VPS13D: variants seen among roughly 807,000 people sequenced by gnomAD.
VPS13D encodes the protein intermembrane lipid transfer protein VPS13D.
Under a neutral mutation model 461.9 loss-of-function variants are expected in VPS13D, and 187 were observed. That is an observed-to-expected ratio of 0.40 (90% CI 0.36 to 0.46). The LOEUF (loss-of-function observed/expected upper bound fraction) is 0.46. Ranked by LOEUF, VPS13D falls within the 20% of genes least tolerant of loss-of-function variation. The pLI, the probability that VPS13D is intolerant of heterozygous loss-of-function variation, is 0.60. For synonymous variants in VPS13D, 1,951 were observed against 1,986.3 expected (o/e 0.98, Z 0.47); for missense variants, 4,711 against 5,364.9 (o/e 0.88, Z 3.81).
At chr1:12,504,734 G>A (rs1646081710) in intron 68 of VPS13D, among the ~76,000 whole-genome samples, 1 of 152,204 alleles carries the variant, frequency 6.6e-6, no homozygotes, top group African/African-American at 2.4e-5. Flanking sequence ...TCCTCCAGAA[G>A]TGGTTCTGGC....
At chr1:12,350,517 G>A (rs965615777) in intron 46 of VPS13D, among the ~76,000 whole-genome samples, 1 of 152,142 alleles carries the variant, frequency 6.6e-6, no homozygotes, top group Non-Finnish European at 1.5e-5. Context: ...GGGGGATGCA[G>A]CAAAACCAGT....
Position 12,276,946 on chromosome 1 carries a change from G to T in VPS13D, c.3358G>T (p.Val1120Leu), listed in dbSNP as rs778929000. The part of the protein sequence containing the change: ...LDIILNPETI[V>L]ELIGFLQKSF... ...TATTATCCTCAATCCAGAGACGATT[G>T]TGGAGCTAATTGGTTTTCTTCAAAA... is the stretch of plus-strand genomic sequence containing the variant. Residue 1120 changes from valine to leucine, a missense_variant, in exon 19 of 70, where the codon GTG (valine) becomes TTG (leucine). Around this residue, in one of 3 missense-constraint regions of VPS13D, gnomAD observed 4,411 missense variants for 4,937.8 expected, o/e 0.89. Transcript: ENST00000620676. This position sits in a 1 kb window ranked among gnomAD's most constrained non-coding sequence, Gnocchi z 4.5. 6.2e-7 allele frequency: 1 copy of T among 1,614,162 alleles called. No homozygotes were observed. The highest frequency in any genetic ancestry group is 1.1e-5 in the South Asian group (1 of 91,086).
rs777736762 is a variant in VPS13D, at chr1:12,342,928, G to A, written c.8762G>A (p.Gly2921Glu). The A allele has an allele frequency of 1.2e-6, 2 of 1,613,372 alleles. No homozygotes were observed. The highest frequency in any genetic ancestry group is 1.7e-5 in the Admixed American group (1 of 59,994). The change falls in exon 42 of 70, where the codon GGG becomes GAG. Residue 2921 changes from glycine (G) to glutamate (E), a missense_variant. By Grantham distance (98) the Gly-to-Glu change is moderately conservative (BLOSUM62 -2). This residue lies in a region of VPS13D where 4,411 missense variants were observed against 4,937.8 expected (regional missense o/e 0.89). Coordinates refer to ENST00000620676, the MANE Select transcript of VPS13D (RefSeq NM_015378.4). ...GCACTCTCTCACAGTGGGAGTCCAG[G>A]GGTAGTTCCAGAAGGGAACGGAACA... is the stretch of plus-strand genomic sequence containing the variant. ...RAALSHSGSPGVVPEGNGTFL... is the reference protein window; with the variant it reads ...RAALSHSGSPEVVPEGNGTFL...
intron 21 of VPS13D, among the ~76,000 whole-genome samples, chr1:12,286,112 C>G (rs914356570): frequency 1.3e-5 from 2 of 149,860 alleles, no homozygotes; most frequent in Non-Finnish European, 3.0e-5. Flanking sequence ...GAGTCTTGCT[C>G]TGTTGCCCAG....
chr1:12,373,124 C>CT (rs1418863524), intron 54 of VPS13D, among the ~76,000 whole-genome samples: 5 of 53,684 alleles, frequency 9.3e-5, no homozygotes, highest in African/African-American at 2.8e-4. Flanking sequence ...TTTTTTTTTG[C>CT]TTTTTTTGGG....
chr1:12,301,599 C>G (rs1259652224), intron 25 of VPS13D, among the ~76,000 whole-genome samples: 1 of 152,180 alleles, frequency 6.6e-6, no homozygotes. Context: ...TCTCTCTGGA[C>G]CCCATTGTTT....
chr1:12,405,960 C>T (rs746542373), intron 63 of VPS13D, among the ~76,000 whole-genome samples: 7 of 152,264 alleles, frequency 4.6e-5, no homozygotes, highest in South Asian at 4.2e-4. Context: ...TAGCTCCAGC[C>T]CCCCCCAGTT....
At chr1:12,443,969 C>A (rs1019946901) in intron 65 of VPS13D, among the ~76,000 whole-genome samples, 2 of 152,082 alleles carry the variant, frequency 1.3e-5, no homozygotes, top group African/African-American at 2.4e-5. Flanking sequence ...CCTCAGCCCC[C>A]TGAGTAGCTG....
At position 12,289,898 on chromosome 1, in the gene VPS13D, T is replaced by G. The variant is rs914354775; in HGVS notation, c.5726-1100T>G. On this transcript the variant is annotated intron_variant, in intron 22 of 69. Coordinates refer to ENST00000620676, the MANE Select transcript of VPS13D (RefSeq NM_015378.4). Reference sequence around the variant, plus strand: ...CTGCAGTGAGCCATGATTGTGCCACTGCACTGTAGCCTGGGCGACAGAGTG... The same window carrying G: ...CTGCAGTGAGCCATGATTGTGCCACGGCACTGTAGCCTGGGCGACAGAGTG... Among the ~76,000 whole-genome samples the G allele has an allele frequency of 7.2e-5, 11 of 152,194 alleles. 1 individual carries two copies. The South Asian group carries it at 1.7e-3, about 23-fold the overall frequency.
chr1:12,435,712 T>C (rs1645050969), intron 65 of VPS13D, among the ~76,000 whole-genome samples: 1 of 151,550 alleles, frequency 6.6e-6, no homozygotes, highest in South Asian at 2.1e-4. Flanking sequence ...AGCAGCACTC[T>C]ATCTAGTAGG....
intron 65 of VPS13D, among the ~76,000 whole-genome samples, chr1:12,431,291 G>A (rs982535870): frequency 3.9e-5 from 6 of 151,944 alleles, no homozygotes; most frequent in Non-Finnish European, 7.4e-5. Flanking sequence ...TAACACAATC[G>A]CTGATATTCA....
At chr1:12,354,375 A>T (rs569956864) in intron 47 of VPS13D, among the ~76,000 whole-genome samples, 154 bp downstream of exon 47, 3 of 152,326 alleles carry the variant, frequency 2.0e-5, no homozygotes, top group East Asian at 3.8e-4. Context: ...TTAAAAAAAA[A>T]TAACCTTTAG....
intron 55 of VPS13D, among the ~76,000 whole-genome samples, chr1:12,375,369 G>A (rs1402340745): frequency 1.3e-5 from 2 of 152,114 alleles, no homozygotes; most frequent in South Asian, 2.1e-4. Context: ...ATACATATGT[G>A]TGTTTTATGT....
chr1:12,249,543 A>G (rs959214258), intron 6 of VPS13D: 2 of 422,040 alleles, frequency 4.7e-6, no homozygotes, highest in Non-Finnish European at 8.4e-6. Flanking sequence ...ACCTTTGGTT[A>G]TATCACTTTC....
chr1:12,273,167 G>A (rs779230289), intron 18 of VPS13D, 32 bp downstream of exon 18: 14 of 1,607,192 alleles, frequency 8.7e-6, no homozygotes, highest in Middle Eastern at 1.7e-4. Flanking sequence ...ATGAAAACCT[G>A]CCTTGGTAGA....
rs1452558272 is a variant in VPS13D at position 12,268,722 on chromosome 1, C to T, written c.1818C>T (p.Gly606=). ...TTCCTTTAGCTGCAGATCCAGATGGCCCCGTTTTTGAGATGCTGTATGAGA... is the reference window on the plus strand; with the variant it reads ...TTCCTTTAGCTGCAGATCCAGATGGTCCCGTTTTTGAGATGCTGTATGAGA... ...SDHYPAADPD[G]PVFEMLYERN... is the part of the protein sequence containing the mutation. Residue 606 remains glycine (G), a synonymous_variant, in exon 16 of 70, where the codon GGC becomes GGT. Coordinates refer to ENST00000620676, the MANE Select transcript of VPS13D (RefSeq NM_015378.4). 1 of 1,613,328 alleles carries T rather than the reference C, an allele frequency of 6.2e-7. No homozygotes were observed. Among genetic ancestry groups the T allele is most frequent in the Non-Finnish European group, 8.5e-7 (1 of 1,179,786 alleles).
chr1:12,484,951 A>G (rs1645777840), intron 67 of VPS13D, among the ~76,000 whole-genome samples: 1 of 152,100 alleles, frequency 6.6e-6, no homozygotes, highest in Non-Finnish European at 1.5e-5. Flanking sequence ...TGGGAATATG[A>G]GTGCATGTGC....
rs374586377 is a variant in VPS13D at position 12,322,639 on chromosome 1, A to G, written c.7808A>G (p.Asp2603Gly). Residue 2603 changes from aspartate to glycine, a missense_variant, in exon 34 of 70, where the codon GAC (aspartate) becomes GGC (glycine). By Grantham distance (94) the Asp-to-Gly change is moderately conservative. Transcript: ENST00000620676. ...IPEQANAAVP[D>G]SVALESDSVG... ...GAGCAAGCTAATGCTGCAGTGCCAG[A>G]CTCAGTGGCCCTGGAGTCAGACTCC... 3.7e-6 allele frequency: 6 copies of G among 1,614,054 alleles called. No individual in the cohort carries two copies. Among genetic ancestry groups the G allele is most frequent in the Non-Finnish European group, 5.1e-6 (6 of 1,180,034 alleles).
chr1:12,333,385 T>C lies in VPS13D; in HGVS notation c.8428+19T>C. On this transcript the variant is annotated intron_variant, in intron 38 of 69. Transcript: ENST00000620676. ...CTAATTGGTGAGTAGAAAGTTGTCT[T>C]TCATAGACTGATACCTTTCCGTACC... is the stretch of plus-strand genomic sequence containing the variant. 1 of 1,613,146 alleles carries C rather than the reference T, an allele frequency of 6.2e-7. No individual in the cohort carries two copies. The highest frequency in any genetic ancestry group is 1.1e-5 in the South Asian group (1 of 90,874).
Sources: allele counts gnomAD v4.1 joint callset (sites outside exome capture counted in the v4.1 genomes callset), GRCh38; gene constraint gnomAD v4.1.1; regional missense constraint gnomAD v4.1.1; non-coding constraint Gnocchi (gnomAD v3.1); transcripts MANE v1.5; gene names NCBI Gene and HGNC (gene_info 2026-07-23, HGNC 2026-07-21).